ANO1: variants seen among roughly 807,000 people sequenced by gnomAD.
ANO1 encodes the protein anoctamin-1.
Under a neutral mutation model 124.0 loss-of-function variants are expected in ANO1, and 59 were observed. That is an observed-to-expected ratio of 0.48 (90% CI 0.39 to 0.59). The LOEUF (loss-of-function observed/expected upper bound fraction) is 0.59, where lower values mean the gene tolerates loss of function less well. ANO1 is among the 20% of genes least tolerant of loss of function. The pLI, the probability that ANO1 is intolerant of heterozygous loss-of-function variation, is 0.00. For synonymous variants in ANO1, 529 were observed against 532.0 expected, an observed-to-expected ratio of 0.99 and a Z score of 0.08; for missense variants, 1,059 against 1,328.0, an observed-to-expected ratio of 0.80 and a Z score of 3.15.
intron 1 of ANO1, among the ~76,000 whole-genome samples, chr11:69,986,393 GACAA>G (rs1330803394): frequency 9.1e-5 from 11 of 121,540 alleles, no homozygotes; most frequent in African/African-American, 2.1e-4. Flanking sequence ...GGCACTGACA[GACAA>G]ACAGACGACA....
chr11:69,986,131 T>G (rs1031093896), exon 1 of ANO1: 3 of 152,260 alleles, frequency 2.0e-5, no homozygotes, highest in Non-Finnish European at 2.9e-5. Context: ...GACATCGGCC[T>G]GGAGGGGCTG....
intron 1 of ANO1, among the ~76,000 whole-genome samples, chr11:70,032,163 G>A (rs1857013210): frequency 6.6e-6 from 1 of 152,158 alleles, no homozygotes; most frequent in African/African-American, 2.4e-5. Context: ...GTGCTGTGAA[G>A]GACGGAAATG....
upstream of ANO1, among the ~76,000 whole-genome samples, chr11:70,077,501 G>A (rs959352134): frequency 6.6e-6 from 1 of 152,134 alleles, no homozygotes; most frequent in South Asian, 2.1e-4. Context: ...TTCTCCTTAG[G>A]GGAAGAAGAC....
chr11:70,165,553 GT>G lies in ANO1; in HGVS notation c.2036del (p.Phe679SerfsTer8), dbSNP rs2048222740. The G allele has an allele frequency of 6.2e-7, 1 of 1,611,192 alleles. No individual in the cohort carries two copies. Among genetic ancestry groups the G allele is most frequent in the African/African-American group, 1.3e-5 (1 of 74,872 alleles). Reference protein sequence around the residue: ...LGKQLIQNNLFEIGIPKMKKL... With the variant: ...LGKQLIQNNLXEIGIPKMKKL... ...GGAAACAGCTGATCCAGAACAACCTGTTCGAGATCGGCATCCCGTGAGTGTG... is the reference window on the plus strand; with the variant it reads ...GGAAACAGCTGATCCAGAACAACCTGTCGAGATCGGCATCCCGTGAGTGTG... On this transcript the variant is annotated frameshift_variant, in exon 20 of 26. Transcript: ENST00000355303. LOFTEE classifies it high-confidence loss of function.
chr11:70,108,796 C>T (rs1032663850), intron 6 of ANO1, among the ~76,000 whole-genome samples: 11 of 152,148 alleles, frequency 7.2e-5, no homozygotes, highest in Admixed American at 1.3e-4. Flanking sequence ...GTGGCTGTTC[C>T]GGACCCTTAA....
intron 21 of ANO1, among the ~76,000 whole-genome samples, chr11:70,169,309 C>T (rs1277553922): frequency 6.6e-6 from 1 of 152,156 alleles, no homozygotes; most frequent in Non-Finnish European, 1.5e-5. Flanking sequence ...ACACTGCCCC[C>T]ACTGACCAAG....
chr11:70,075,056 G>C (rs2044041536), upstream of ANO1: 1 of 152,212 alleles, frequency 6.6e-6, no homozygotes, highest in Admixed American at 6.5e-5. Context: ...AATGGGGAGC[G>C]AGGTTCTTGT....
intron 1 of ANO1, among the ~76,000 whole-genome samples, chr11:69,997,277 C>A (rs527805398): frequency 1.6e-4 from 24 of 152,220 alleles, no homozygotes; most frequent in African/African-American, 4.6e-4. Flanking sequence ...CCTGCCATTA[C>A]CCCCACCCCC....
chr11:70,145,066 A>G (rs1027182139), intron 11 of ANO1, among the ~76,000 whole-genome samples: 2 of 152,196 alleles, frequency 1.3e-5, no homozygotes, highest in African/African-American at 4.8e-5. Flanking sequence ...GAGGGCAGGA[A>G]TCGGAACTCG....
At position 70,044,163 on chromosome 11, in the gene ANO1, C is replaced by T. The variant is rs188170705; in HGVS notation, c.59-34379C>T. ...TACAACTATGTTGTAAACTCAAAAG[C>T]GACCACTAAATAAAAGTAAAATAAA... On this transcript the variant is annotated intron_variant, in intron 1 of 27. Transcript: ENST00000531349. 4.7e-3 allele frequency among the ~76,000 whole-genome samples: 718 copies of T among 151,628 alleles called. 3 individuals are homozygous for T. Among genetic ancestry groups the T allele is most frequent in the African/African-American group, 0.016 (674 of 41,406 alleles).
At chr11:70,052,526 C>CTTT (rs1857364240) in intron 1 of ANO1, among the ~76,000 whole-genome samples, 2 of 28,064 alleles carry the variant, frequency 7.1e-5, no homozygotes, top group African/African-American at 1.3e-4. Context: ...ATTTCTTTTT[C>CTTT]TTTTCTTTTT....
intron 22 of ANO1, among the ~76,000 whole-genome samples, chr11:70,178,164 G>A (rs2048797891): frequency 6.6e-6 from 1 of 152,242 alleles, no homozygotes; most frequent in Non-Finnish European, 1.5e-5. Context: ...TTAGCACCCT[G>A]CCTTAGGAGC....
chr11:70,051,228 T>G (rs1857345798), intron 1 of ANO1, among the ~76,000 whole-genome samples: 1 of 152,222 alleles, frequency 6.6e-6, no homozygotes, highest in African/African-American at 2.4e-5. Flanking sequence ...TGCCTGTTTT[T>G]GAATTCAGGT....
At chr11:70,179,288 G>A (rs886622554) in intron 22 of ANO1, among the ~76,000 whole-genome samples, 10 of 152,246 alleles carry the variant, frequency 6.6e-5, no homozygotes, top group African/African-American at 1.9e-4. Context: ...GTTAGGGTGA[G>A]GCGGGGGTCA....
chr11:69,983,757 G>A (rs1336327318), upstream of ANO1, among the ~76,000 whole-genome samples: 4 of 152,176 alleles, frequency 2.6e-5, no homozygotes, highest in South Asian at 4.1e-4. Context: ...CTGGGTCTTC[G>A]ACTGGCATTT....
At chr11:70,031,687 G>T (rs1352685948) in intron 1 of ANO1, among the ~76,000 whole-genome samples, 2 of 152,194 alleles carry the variant, frequency 1.3e-5, no homozygotes, top group Admixed American at 6.5e-5. Flanking sequence ...AGTCTCCAAA[G>T]ACCCCTTCAG....
chr11:70,090,254 G>A (rs750980556), intron 2 of ANO1, among the ~76,000 whole-genome samples: 3 of 152,154 alleles, frequency 2.0e-5, no homozygotes, highest in South Asian at 2.1e-4. Flanking sequence ...TGGTCCGCCC[G>A]CCTTGGCCTC....
chr11:70,058,190 G>C (rs1176687297), intron 1 of ANO1, among the ~76,000 whole-genome samples: 1 of 152,172 alleles, frequency 6.6e-6, no homozygotes, highest in Non-Finnish European at 1.5e-5. Context: ...AGAAAAACAG[G>C]TATTAAAGGG....
At chr11:70,160,358 C>T (rs940924302) in intron 16 of ANO1, among the ~76,000 whole-genome samples, 1 of 151,968 alleles carries the variant, frequency 6.6e-6, no homozygotes, top group African/African-American at 2.4e-5. Flanking sequence ...CTGGGCAGGG[C>T]GGGGCAGGGC....
Sources: gnomAD v4.1 joint callset for allele counts (sites outside exome capture counted in the v4.1 genomes callset) on GRCh38, gnomAD v4.1.1 for gene constraint, MANE v1.5 for transcripts, NCBI Gene and HGNC (gene_info 2026-07-23, HGNC 2026-07-21) for gene names.